The following SHANK2 variants were observed in gnomAD, a reference collection of about 807,000 sequenced individuals.
SHANK2 encodes SH3 and multiple ankyrin repeat domains protein 2.
Under a neutral mutation model 133.7 loss-of-function variants are expected in SHANK2, and 43 were observed. The ratio of observed to expected loss-of-function variants is 0.32; its 90% CI spans 0.25 to 0.41. The LOEUF (loss-of-function observed/expected upper bound fraction) is 0.41. Among genes scored for constraint, SHANK2 ranks in the 10% least tolerant of loss-of-function variants. The pLI, the probability that SHANK2 is intolerant of heterozygous loss-of-function variation, is 1.00. For missense variants in SHANK2, 1,994 were observed against 2,235.8 expected, an observed-to-expected ratio of 0.89 and a Z score of 2.18; for synonymous variants, 1,017 against 952.8, an observed-to-expected ratio of 1.07 and a Z score of -1.24.
At chr11:71,239,012 C>T (rs1176269557) in intron 1 of SHANK2, among the ~76,000 whole-genome samples, 1 of 152,150 alleles carries the variant, frequency 6.6e-6, no homozygotes, top group Non-Finnish European at 1.5e-5. Flanking sequence ...ATAAGGGGAC[C>T]CGGGGAACCC....
At chr11:71,130,996 C>T (rs1202369658) in intron 3 of SHANK2, among the ~76,000 whole-genome samples, 2 of 152,258 alleles carry the variant, frequency 1.3e-5, no homozygotes, top group Non-Finnish European at 2.9e-5. Flanking sequence ...TTTCTGTCAT[C>T]ATCAAGTTCT....
At chr11:70,822,295 G>A (rs1287214320) in intron 11 of SHANK2, among the ~76,000 whole-genome samples, 1 of 152,274 alleles carries the variant, frequency 6.6e-6, no homozygotes, top group African/African-American at 2.4e-5. Context: ...TGCAAGGCAA[G>A]AGAAAACACG....
At chr11:70,504,744 CA>C (rs1345967808) in intron 17 of SHANK2, among the ~76,000 whole-genome samples, 1 of 152,034 alleles carries the variant, frequency 6.6e-6, no homozygotes, top group Non-Finnish European at 1.5e-5. Context: ...ATTAGGAAAG[CA>C]GATGGATTTA....
At chr11:71,138,836 A>T (rs1453657607) in intron 3 of SHANK2, among the ~76,000 whole-genome samples, 1 of 151,272 alleles carries the variant, frequency 6.6e-6, no homozygotes, top group Admixed American at 6.6e-5. Context: ...AAAAAGAAAA[A>T]TCTGAGAGTC....
chr11:71,204,942 G>A (rs1954099650), intron 2 of SHANK2, among the ~76,000 whole-genome samples: 1 of 152,080 alleles, frequency 6.6e-6, no homozygotes, highest in South Asian at 2.1e-4. Context: ...GGGAGGCAGG[G>A]GACAGCTAGC....
At chr11:70,869,069 T>A (rs1403363034) in intron 11 of SHANK2, among the ~76,000 whole-genome samples, 1 of 152,052 alleles carries the variant, frequency 6.6e-6, no homozygotes, top group Non-Finnish European at 1.5e-5. Context: ...CCAACTGGCG[T>A]CCTTACAAGA....
chr11:70,819,195 A>C (rs1413526592), intron 12 of SHANK2, among the ~76,000 whole-genome samples: 1 of 152,256 alleles, frequency 6.6e-6, no homozygotes, highest in African/African-American at 2.4e-5. Flanking sequence ...CCAAGGCCCA[A>C]ATCTGAGGGA....
intron 1 of SHANK2, among the ~76,000 whole-genome samples, chr11:71,234,738 T>C (rs1954802970): frequency 6.6e-6 from 1 of 151,982 alleles, no homozygotes; most frequent in Non-Finnish European, 1.5e-5. Context: ...TCCTCTTCTG[T>C]CAAGGAGGGA....
intron 17 of SHANK2, among the ~76,000 whole-genome samples, chr11:70,570,205 G>C (rs140758138): frequency 4.6e-5 from 7 of 152,320 alleles, no homozygotes; most frequent in African/African-American, 1.7e-4. Context: ...TGGCGGCCAC[G>C]CCGACCCGCA....
At chr11:70,658,282 G>GAC (rs138823201) in intron 17 of SHANK2, among the ~76,000 whole-genome samples, 3,223 of 111,546 alleles carry the variant, frequency 0.029, 91 homozygotes, top group African/African-American at 0.11. Flanking sequence ...CACACACACA[G>GAC]ACACACACAC....
intron 2 of SHANK2, among the ~76,000 whole-genome samples, chr11:71,158,657 C>A (rs782095487): frequency 6.1e-4 from 93 of 152,116 alleles, no homozygotes; most frequent in Admixed American, 4.9e-3. Flanking sequence ...CACATAAAAC[C>A]AAGATAACTC....
rs2058822412 is a variant in SHANK2, at chr11:70,487,200, G to T, written c.3093C>A (p.Ile1031=). 1 of 1,613,908 alleles carries T rather than the reference G, an allele frequency of 6.2e-7. No homozygotes were observed. Among genetic ancestry groups the T allele is most frequent in the South Asian group, 1.1e-5 (1 of 91,084 alleles). The change falls in exon 25 of 26, where the codon ATC becomes ATA. Residue 1031 remains isoleucine, a synonymous_variant. Transcript: ENST00000601538. The surrounding 1 kb of genome is among the most constrained non-coding windows in gnomAD (Gnocchi z 5.8). ...DSPEKTCSIP[I]PTIIVKEPST... The stretch of plus-strand genomic sequence containing the variant: ...ACGGCTCCTTCACGATGATGGTCGG[G>T]ATAGGGATGGAGCACGTCTTCTCGG...
intron 11 of SHANK2, among the ~76,000 whole-genome samples, chr11:70,879,734 G>A (rs541027101): frequency 3.9e-5 from 6 of 152,352 alleles, no homozygotes; most frequent in African/African-American, 1.2e-4. Context: ...GGCTTATGGA[G>A]GATCGATGGG....
At chr11:70,837,589 C>T (rs1379449378) in intron 11 of SHANK2, among the ~76,000 whole-genome samples, 2 of 152,122 alleles carry the variant, frequency 1.3e-5, no homozygotes, top group Non-Finnish European at 2.9e-5. Flanking sequence ...CTTATATGGT[C>T]TTTCTCCCCC....
chr11:70,896,752 T>G (rs1478576520), intron 10 of SHANK2, among the ~76,000 whole-genome samples, 185 bp from the exon 11 acceptor site: 1 of 152,230 alleles, frequency 6.6e-6, no homozygotes, highest in Non-Finnish European at 1.5e-5. Context: ...CTCAAAGCAG[T>G]TGGCTGTTCT....
intron 25 of SHANK2, among the ~76,000 whole-genome samples, chr11:70,475,572 G>T (rs1555149955): frequency 1.3e-5 from 2 of 152,148 alleles, no homozygotes; most frequent in Admixed American, 1.3e-4. Flanking sequence ...CTTGATGTTA[G>T]TCACTGTTGC....
intron 11 of SHANK2, among the ~76,000 whole-genome samples, chr11:70,877,760 A>G (rs559193586): frequency 1.4e-4 from 22 of 152,350 alleles, no homozygotes; most frequent in Non-Finnish European, 2.5e-4. Flanking sequence ...CTCAAGGAGT[A>G]AGGCTGAGGC....
chr11:70,515,654 A>C (rs1254318549), intron 17 of SHANK2, among the ~76,000 whole-genome samples: 7 of 151,068 alleles, frequency 4.6e-5, no homozygotes, highest in African/African-American at 1.5e-4. Flanking sequence ...AAAAAAAAAA[A>C]AAAAAACATT....
intron 1 of SHANK2, among the ~76,000 whole-genome samples, chr11:71,227,803 AAAG>A (rs782428257): frequency 2.0e-5 from 3 of 152,126 alleles, no homozygotes; most frequent in African/African-American, 7.2e-5. Flanking sequence ...ATATATTAGA[AAAG>A]AAGAACAATC....
Sources: allele counts gnomAD v4.1 joint callset (sites outside exome capture counted in the v4.1 genomes callset), GRCh38; gene constraint gnomAD v4.1.1; non-coding constraint Gnocchi (gnomAD v3.1); transcripts MANE v1.5; gene names NCBI Gene and HGNC (gene_info 2026-07-23, HGNC 2026-07-21).